DLGAP3: variants seen among roughly 807,000 people sequenced by gnomAD.
DLGAP3 encodes disks large-associated protein 3.
DLGAP3 carries 17 observed loss-of-function variants against 81.2 expected under a neutral mutation model. The ratio of observed to expected loss-of-function variants is 0.21; its 90% CI spans 0.14 to 0.31. The LOEUF is 0.31. DLGAP3 is among the 10% of genes least tolerant of loss of function. The pLI, the probability that DLGAP3 is intolerant of heterozygous loss-of-function variation, is 1.00. For synonymous variants in DLGAP3, 577 were observed against 587.4 expected (o/e 0.98, Z 0.26); for missense variants, 1,124 against 1,388.0 (o/e 0.81, Z 3.02).
rs141540099 is a variant in DLGAP3, at chr1:34,904,466, G to A, written c.918C>T (p.Gly306=). The stretch of plus-strand genomic sequence containing the variant: ...AGGCAAGGCAGCGGCCTTCCGACCC[G>A]CCCGAGCGCCCCTTGAAGCTCAAGT... ...YRDLSFKGRS[G]GSEGRCLACT... The change falls in exon 3 of 12, where the codon GGC becomes GGT. Residue 306 remains glycine (G), a synonymous_variant. Coordinates refer to ENST00000373347, the MANE Select transcript of DLGAP3 (RefSeq NM_001080418.3). The surrounding 1 kb of genome is among the most constrained non-coding windows in gnomAD (Gnocchi z 8.1). 4,581 of 1,614,114 alleles carry A rather than the reference G, an allele frequency of 2.8e-3. 193 individuals carry two copies. The Admixed American group carries it at 0.058, about 21-fold the overall frequency.
chr1:34,908,932 A>C (rs1192531291), intron 1 of DLGAP3, among the ~76,000 whole-genome samples: 1 of 152,216 alleles, frequency 6.6e-6, no homozygotes, highest in Non-Finnish European at 1.5e-5. Context: ...AGCCTCTCAA[A>C]TAGTTGTTGA....
intron 8 of DLGAP3, among the ~76,000 whole-genome samples, chr1:34,883,957 C>T (rs1044679991): frequency 6.6e-6 from 1 of 152,004 alleles, no homozygotes; most frequent in Non-Finnish European, 1.5e-5. Flanking sequence ...CTCACTCAGT[C>T]ACCCAGGCTG....
Position 34,867,014 on chromosome 1 carries a change from C to A in DLGAP3, c.2721+34G>T. 6.2e-7 allele frequency: 1 copy of A among 1,613,742 alleles called. No individual in the cohort carries two copies. Among genetic ancestry groups the A allele is most frequent in the South Asian group, 1.1e-5 (1 of 91,066 alleles). ...TCTGGGGAGGGGAATTTCCCAGAGT[C>A]TGGCCTCTTTGCCTGAAGGCACCCC... is the stretch of plus-strand genomic sequence containing the variant. On this transcript the variant is annotated intron_variant, in intron 11 of 11. Transcript: ENST00000373347. This position sits in a 1 kb window ranked among gnomAD's most constrained non-coding sequence, Gnocchi z 4.3.
chr1:34,901,774 G>A (rs1174901467), intron 3 of DLGAP3, among the ~76,000 whole-genome samples: 1 of 152,216 alleles, frequency 6.6e-6, no homozygotes, highest in East Asian at 1.9e-4. Context: ...GAGAATTGAA[G>A]GGAAGTGAAG....
chr1:34,897,892 T>A (rs1424976919), intron 5 of DLGAP3, among the ~76,000 whole-genome samples: 1 of 152,022 alleles, frequency 6.6e-6, no homozygotes, highest in Non-Finnish European at 1.5e-5. Context: ...GAGAAAGTGG[T>A]CAAGACTGAC....
At chr1:34,907,325 C>A (rs749292808) in intron 2 of DLGAP3, 30 bp downstream of exon 2, 10 of 152,562 alleles carry the variant, frequency 6.6e-5, no homozygotes, top group African/African-American at 1.9e-4. Context: ...TGAGTCTAAT[C>A]CCCATCTCCC....
At chr1:34,893,194 A>C (rs1639341199) in intron 5 of DLGAP3, among the ~76,000 whole-genome samples, 1 of 151,900 alleles carries the variant, frequency 6.6e-6, no homozygotes. Flanking sequence ...AAAAAAAAAA[A>C]AAAAACAATG....
chr1:34,900,252 C>A lies in DLGAP3; in HGVS notation c.1129G>T (p.Gly377Cys). 2 of 1,614,020 alleles carry A rather than the reference C, an allele frequency of 1.2e-6. No homozygotes were observed. The highest frequency in any genetic ancestry group is 1.1e-5 in the South Asian group (1 of 91,080). Residue 377 changes from glycine to cysteine, a missense_variant, in exon 4 of 12, where the codon GGT (glycine) becomes TGT (cysteine). Gly to Cys is a radical substitution (Grantham distance 159). Coordinates refer to ENST00000373347, the MANE Select transcript of DLGAP3 (RefSeq NM_001080418.3). This position sits in a 1 kb window ranked among gnomAD's most constrained non-coding sequence, Gnocchi z 5.6. ...CCATCCTTGCCACCGGTGGGGTAACCCCCCCAGTCATCTTGCGGCACCTGC... is the reference window on the plus strand; with the variant it reads ...CCATCCTTGCCACCGGTGGGGTAACACCCCCAGTCATCTTGCGGCACCTGC... ...YLQVPQDDWG[G>C]YPTGGKDGEI... is the part of the protein sequence containing the mutation.
In DLGAP3 at chr1:34,902,665, C is replaced by T. The variant is rs1639478904; in HGVS notation, c.1107+1612G>A. Among the ~76,000 whole-genome samples, 1 of 152,118 alleles carries T rather than the reference C, an allele frequency of 6.6e-6. No individual in the cohort carries two copies. The highest frequency in any genetic ancestry group is 2.4e-5 in the African/African-American group (1 of 41,404). On this transcript the variant is annotated intron_variant, in intron 3 of 11. Coordinates refer to ENST00000373347, the MANE Select transcript of DLGAP3 (RefSeq NM_001080418.3). The surrounding 1 kb of genome is among the most constrained non-coding windows in gnomAD (Gnocchi z 4.4). ...CAGACCGGAGGGATCATTCCCCTTCCCCATTCTCTACAGAGAGCAGCAGGC... is the reference window on the plus strand; with the variant it reads ...CAGACCGGAGGGATCATTCCCCTTCTCCATTCTCTACAGAGAGCAGCAGGC...
intron 1 of DLGAP3, among the ~76,000 whole-genome samples, chr1:34,919,275 C>T (rs1289012166): frequency 6.6e-6 from 1 of 152,178 alleles, no homozygotes; most frequent in African/African-American, 2.4e-5. Context: ...CTTGACCACT[C>T]CCCTCCACCA....
chr1:34,885,383 G>A, intron 7 of DLGAP3, 95 bp downstream of exon 7: 1 of 1,369,164 alleles, frequency 7.3e-7, no homozygotes, highest in South Asian at 1.2e-5. Context: ...AAGCCAGAAA[G>A]AATGTCGATA....
At chr1:34,913,700 G>A (rs931259866) in intron 1 of DLGAP3, among the ~76,000 whole-genome samples, 2 of 152,112 alleles carry the variant, frequency 1.3e-5, no homozygotes, top group African/African-American at 2.4e-5. Flanking sequence ...GCCACTAAAC[G>A]GTGTTCAAAA....
chr1:34,893,831 C>T (rs1022404134), intron 5 of DLGAP3, among the ~76,000 whole-genome samples: 2 of 152,034 alleles, frequency 1.3e-5, no homozygotes, highest in Non-Finnish European at 2.9e-5. Context: ...CAAAAGAAGA[C>T]AGTAAAGAAG....
At chr1:34,881,624 A>C (rs1255557220) in intron 8 of DLGAP3, among the ~76,000 whole-genome samples, 1 of 151,994 alleles carries the variant, frequency 6.6e-6, no homozygotes, top group Admixed American at 6.6e-5. Flanking sequence ...GTGAGAGAAA[A>C]ATACACTTGT....
At chr1:34,923,987 C>T (rs1569672351) in intron 1 of DLGAP3, among the ~76,000 whole-genome samples, 1 of 152,220 alleles carries the variant, frequency 6.6e-6, no homozygotes, top group South Asian at 2.1e-4. Flanking sequence ...TGATTGTGCT[C>T]TTGGGGATGG....
At chr1:34,924,432 C>T (rs1016516081) in intron 1 of DLGAP3, among the ~76,000 whole-genome samples, 4 of 152,312 alleles carry the variant, frequency 2.6e-5, no homozygotes, top group East Asian at 1.9e-4. Context: ...TGGCAGTGGG[C>T]AGAACACAGG....
intron 1 of DLGAP3, among the ~76,000 whole-genome samples, chr1:34,912,540 G>T (rs1270186657): frequency 1.3e-5 from 2 of 152,200 alleles, no homozygotes; most frequent in African/African-American, 4.8e-5. Context: ...CCTTGTGAAG[G>T]TCAGCCCTAT....
intron 1 of DLGAP3, among the ~76,000 whole-genome samples, chr1:34,917,969 C>T (rs545571745): frequency 6.6e-6 from 1 of 152,290 alleles, no homozygotes; most frequent in East Asian, 1.9e-4. Flanking sequence ...ATAATTAAAT[C>T]CCTAATCACC....
intron 1 of DLGAP3, among the ~76,000 whole-genome samples, chr1:34,909,150 G>T (rs1014875765): frequency 2.0e-5 from 3 of 152,222 alleles, no homozygotes; most frequent in Non-Finnish European, 4.4e-5. Context: ...CTTCCCAGGG[G>T]TGGACATTCC....
Sources: allele counts gnomAD v4.1 joint callset (sites outside exome capture counted in the v4.1 genomes callset), GRCh38; gene constraint gnomAD v4.1.1; non-coding constraint Gnocchi (gnomAD v3.1); transcripts MANE v1.5; gene names NCBI Gene and HGNC (gene_info 2026-07-23, HGNC 2026-07-21).